The following PIP5K1C variants were observed in gnomAD, a reference collection of about 807,000 sequenced individuals.
PIP5K1C encodes phosphatidylinositol-4-phosphate 5-kinase type 1 gamma.
Under a neutral mutation model 80.1 loss-of-function variants are expected in PIP5K1C, and 45 were observed. The ratio of observed to expected loss-of-function variants is 0.56; its 90% CI spans 0.44 to 0.72. PIP5K1C has a LOEUF of 0.72. PIP5K1C is among the 30% of genes least tolerant of loss of function. The pLI is 0.00. For synonymous variants in PIP5K1C, 498 were observed against 420.1 expected, an observed-to-expected ratio of 1.19 and a Z score of -2.27; for missense variants, 753 against 954.6, an observed-to-expected ratio of 0.79 and a Z score of 2.78.
Position 3,637,478 on chromosome 19 carries a change from C to T in PIP5K1C, c.1920+1406G>A. On this transcript the variant is annotated intron_variant, in intron 16 of 17. Coordinates refer to ENST00000335312, the MANE Select transcript of PIP5K1C (RefSeq NM_012398.3). This position sits in a 1 kb window ranked among gnomAD's most constrained non-coding sequence, Gnocchi z 7.0. ...GCTTCCGGCCGGGGACCTGCGGCTCCCTGCTGCCCGAGGGGCACTGCCCCT... is the reference window on the plus strand; with the variant it reads ...GCTTCCGGCCGGGGACCTGCGGCTCTCTGCTGCCCGAGGGGCACTGCCCCT... 1 of 1,535,684 alleles carries T rather than the reference C, an allele frequency of 6.5e-7. No homozygotes were observed. The highest frequency in any genetic ancestry group is 8.7e-7 in the Non-Finnish European group (1 of 1,146,796).
intron 1 of PIP5K1C, among the ~76,000 whole-genome samples, chr19:3,670,138 G>A (rs1043899247): frequency 1.3e-5 from 2 of 151,746 alleles, no homozygotes; most frequent in Non-Finnish European, 2.9e-5. Context: ...CTCTGCAGGC[G>A]GCAGGTGGGG....
intron 1 of PIP5K1C, among the ~76,000 whole-genome samples, chr19:3,694,253 C>T (rs925850327): frequency 1.1e-4 from 16 of 151,946 alleles, no homozygotes; most frequent in Non-Finnish European, 2.4e-4. Flanking sequence ...AGGGAAGTCA[C>T]TTGCTCAGAG....
chr19:3,643,128 T>C, intron 13 of PIP5K1C, 115 bp downstream of exon 13: 1 of 1,540,822 alleles, frequency 6.5e-7, no homozygotes, highest in Non-Finnish European at 8.9e-7. Flanking sequence ...ACATCCACCG[T>C]ACATACGATG....
intron 1 of PIP5K1C, among the ~76,000 whole-genome samples, chr19:3,685,997 G>A (rs945694082): frequency 6.6e-6 from 1 of 151,406 alleles, no homozygotes. Flanking sequence ...GAGTAGCTGG[G>A]ACTACAGGCG....
intron 1 of PIP5K1C, among the ~76,000 whole-genome samples, chr19:3,694,160 C>T (rs1284929330): frequency 7.4e-5 from 11 of 148,608 alleles, no homozygotes; most frequent in South Asian, 2.1e-4. Context: ...TGCAGTGAGC[C>T]GAGAACGCGC....
intron 8 of PIP5K1C, 68 bp downstream of exon 8, chr19:3,651,757 CG>C (rs2034458849): frequency 6.8e-7 from 1 of 1,460,974 alleles, no homozygotes; most frequent in Admixed American, 1.7e-5. Context: ...ACACTTGGGA[CG>C]GGGATGGGGA....
At chr19:3,640,042 T>C (rs2033896908) in intron 15 of PIP5K1C, among the ~76,000 whole-genome samples, 1 of 152,192 alleles carries the variant, frequency 6.6e-6, no homozygotes, top group African/African-American at 2.4e-5. Context: ...GCAGGAGCAC[T>C]GGGTGGAAGA....
intron 8 of PIP5K1C, among the ~76,000 whole-genome samples, chr19:3,650,927 T>C (rs1383778327): frequency 2.6e-5 from 4 of 152,112 alleles, no homozygotes; most frequent in Non-Finnish European, 5.9e-5. Flanking sequence ...CAGCTAATAT[T>C]TTGTATTAAG....
At chr19:3,658,530 G>A (rs2034717667) in intron 5 of PIP5K1C, among the ~76,000 whole-genome samples, 1 of 152,250 alleles carries the variant, frequency 6.6e-6, no homozygotes, top group Non-Finnish European at 1.5e-5. Context: ...CACAGGCGCA[G>A]CAGCGCAGAG....
At chr19:3,638,042 C>T in intron 16 of PIP5K1C, 1 of 1,476,492 alleles carries the variant, frequency 6.8e-7, no homozygotes, top group Non-Finnish European at 9.0e-7. Flanking sequence ...TATGAAGCAG[C>T]GAGGAGGTGC....
At chr19:3,639,410 G>A (rs892276222) in intron 15 of PIP5K1C, among the ~76,000 whole-genome samples, 1 of 152,106 alleles carries the variant, frequency 6.6e-6, no homozygotes, top group South Asian at 2.1e-4. Context: ...CCTAGCCGCT[G>A]GGATCAGAGC....
chr19:3,639,250 C>T (rs529099243), intron 15 of PIP5K1C, among the ~76,000 whole-genome samples: 8 of 152,296 alleles, frequency 5.3e-5, no homozygotes, highest in Non-Finnish European at 7.4e-5. Context: ...CCCGCCAGCC[C>T]GCTGACAGCT....
At chr19:3,676,720 A>C (rs894721022) in intron 1 of PIP5K1C, among the ~76,000 whole-genome samples, 1 of 152,250 alleles carries the variant, frequency 6.6e-6, no homozygotes, top group Non-Finnish European at 1.5e-5. Flanking sequence ...CTCCGAATCC[A>C]GAAAAACCTT....
intron 1 of PIP5K1C, among the ~76,000 whole-genome samples, chr19:3,682,003 A>T (rs2035604466): frequency 6.6e-6 from 1 of 152,092 alleles, no homozygotes; most frequent in Non-Finnish European, 1.5e-5. Context: ...TGCACGCTGC[A>T]TGCTGGTCTG....
chr19:3,671,522 T>A (rs1330575041), intron 1 of PIP5K1C, among the ~76,000 whole-genome samples: 1 of 152,088 alleles, frequency 6.6e-6, no homozygotes, highest in East Asian at 1.9e-4. Context: ...GCTGGGAACG[T>A]CCCTGCACTG....
At chr19:3,682,582 G>A (rs578032953) in intron 1 of PIP5K1C, among the ~76,000 whole-genome samples, 96 of 152,024 alleles carry the variant, frequency 6.3e-4, no homozygotes, top group African/African-American at 2.3e-3. Flanking sequence ...CCGGCTACTC[G>A]GGAGGCTGCG....
intron 1 of PIP5K1C, among the ~76,000 whole-genome samples, chr19:3,679,820 G>C (rs985914169): frequency 1.2e-4 from 18 of 152,252 alleles, no homozygotes; most frequent in African/African-American, 4.1e-4. Flanking sequence ...GATGTGGCTT[G>C]ACGTGCTGCG....
chr19:3,638,939 G>T lies in PIP5K1C; in HGVS notation c.1865C>A (p.Ala622Glu). 3 of 1,612,428 alleles carry T rather than the reference G, an allele frequency of 1.9e-6. No homozygotes were observed. Among genetic ancestry groups the T allele is most frequent in the Non-Finnish European group, 2.5e-6 (3 of 1,179,918 alleles). ...TASQASDEEG[A>E]PASQASDEED... The stretch of plus-strand genomic sequence containing the variant: ...CTCGTCCGAGGCCTGGCTGGCAGGT[G>T]CGCCCTCCTCGTCTGAGGCCTGGCT... Residue 622 changes from alanine to glutamate, a missense_variant, in exon 16 of 18, where the codon GCA becomes GAA. Ala to Glu is a moderately radical substitution (Grantham distance 107). This residue lies in a region of PIP5K1C where 315 missense variants were observed against 294.5 expected (regional missense o/e 1.07). Coordinates refer to ENST00000335312, the MANE Select transcript of PIP5K1C (RefSeq NM_012398.3).
In PIP5K1C at chr19:3,641,740, G is replaced by T. The variant is rs114198000; in HGVS notation, c.1752C>A (p.Ser584Arg). The change falls in exon 15 of 18, where the codon AGC becomes AGA. Residue 584 changes from serine to arginine, a missense_variant. Transcript: ENST00000335312. ...QITVQVEPAC[S>R]VEIVVPKEED... is the part of the protein sequence containing the mutation. ...CCTCTTTGGGGACCACAATCTCCAC[G>T]CTGCACGCAGGCTCCACCTGCACTG... 1 of 1,610,842 alleles carries T rather than the reference G, an allele frequency of 6.2e-7. No individual in the cohort carries two copies. Among genetic ancestry groups the T allele is most frequent in the Non-Finnish European group, 8.5e-7 (1 of 1,179,998 alleles).
Sources: gnomAD v4.1 joint callset for allele counts (sites outside exome capture counted in the v4.1 genomes callset) on GRCh38, gnomAD v4.1.1 for gene constraint, gnomAD v4.1.1 regional missense constraint, Gnocchi (gnomAD v3.1) non-coding constraint, MANE v1.5 for transcripts, NCBI Gene and HGNC (gene_info 2026-07-23, HGNC 2026-07-21) for gene names.